The following C11orf42 variants were observed in gnomAD, a reference collection of about 807,000 sequenced individuals.
C11orf42 encodes chromosome 11 open reading frame 42, also known as uncharacterized protein C11orf42.
In C11orf42, 24 loss-of-function variants were observed where a neutral mutation model predicts 27.9. The observed-to-expected ratio is 0.86, with a 90% CI of 0.62 to 1.21. The LOEUF (loss-of-function observed/expected upper bound fraction) is 1.21, where lower values mean the gene tolerates loss of function less well. Ranked by LOEUF, C11orf42 falls within the 50% of genes most tolerant of loss-of-function variation. The pLI, the probability that C11orf42 is intolerant of heterozygous loss-of-function variation, is 0.00. For synonymous variants in C11orf42, 187 were observed against 180.8 expected (o/e 1.03, Z -0.28); for missense variants, 455 against 424.1 (o/e 1.07, Z -0.64).
chr11:6,209,105 G>A (rs887154034), intron 1 of C11orf42, among the ~76,000 whole-genome samples: 7 of 150,594 alleles, frequency 4.6e-5, no homozygotes, highest in Non-Finnish European at 8.8e-5. Context: ...GAACCCAGGA[G>A]GCAGAGGTTT....
chr11:6,205,559 G>C lies in C11orf42; in HGVS notation c.-57G>C. 5.0e-6 allele frequency: 7 copies of C among 1,399,136 alleles called. No homozygotes were observed. Among genetic ancestry groups the C allele is most frequent in the Non-Finnish European group, 7.1e-6 (7 of 992,434 alleles). The allele number at this position is 1,399,136 out of a possible 1,614,324, so 86.7% of individuals were successfully genotyped here. A position where few individuals can be genotyped will look rare whatever the true frequency, so the allele number is the denominator to read the frequency against. On this transcript the variant is annotated 5_prime_UTR_variant, in exon 1 of 3. Transcript: ENST00000316375. ...AAGACCTCAGGTCTCACCTCCCTGG[G>C]CTGCCTGGGGTTCCTGCAGCAGCCA...
intron 1 of C11orf42, among the ~76,000 whole-genome samples, chr11:6,209,421 T>C (rs1385703757): frequency 6.6e-6 from 1 of 152,172 alleles, no homozygotes; most frequent in African/African-American, 2.4e-5. Context: ...TCACCGACTC[T>C]TATGCCTGAA....
At chr11:6,205,708 A>G (rs1018117440) in intron 1 of C11orf42, 21 bp downstream of exon 1, 1 of 1,606,182 alleles carries the variant, frequency 6.2e-7, no homozygotes, top group Admixed American at 1.7e-5. Context: ...TAAGGAGGCT[A>G]AAGAGGAAGC....
rs148775522 is a variant in C11orf42, at chr11:6,210,859, G to T, written c.872-53G>T. 3.6e-4 allele frequency: 544 copies of T among 1,528,032 alleles called. No homozygotes were observed. The East Asian group carries it at 9.9e-3, about 28-fold the overall frequency. 94.7% of individuals were successfully genotyped at this position (1,528,032 alleles called of 1,614,324 possible). The stretch of plus-strand genomic sequence containing the variant: ...ACAGAGGACCAGAGGGAAAAGCTAG[G>T]GGGGGAAAAGACCAGCCATGAGTCA... On this transcript the variant is annotated intron_variant, in intron 2 of 2. Transcript: ENST00000316375. This position sits in a 1 kb window ranked among gnomAD's most constrained non-coding sequence, Gnocchi z 4.0.
Position 6,210,891 on chromosome 11 carries a change from G to T in C11orf42, c.872-21G>T. 2 of 1,588,994 alleles carry T rather than the reference G, an allele frequency of 1.3e-6. No individual in the cohort carries two copies. The highest frequency in any genetic ancestry group is 2.3e-5 in the South Asian group (2 of 88,312). On this transcript the variant is annotated intron_variant, in intron 2 of 2. Coordinates refer to ENST00000316375, the MANE Select transcript of C11orf42 (RefSeq NM_173525.3). This position sits in a 1 kb window ranked among gnomAD's most constrained non-coding sequence, Gnocchi z 4.0. ...AAAGACCAGCCATGAGTCAAGCTGT[G>T]ACTATCCCCAACCCTGGCAGAGAAC...
At chr11:6,208,022 C>T (rs772156623) in intron 1 of C11orf42, among the ~76,000 whole-genome samples, 13 of 152,128 alleles carry the variant, frequency 8.5e-5, no homozygotes, top group Non-Finnish European at 1.6e-4. Flanking sequence ...TCTGTGTGCC[C>T]TTGCTCCCTA....
chr11:6,209,739 C>G (rs1847022709), intron 1 of C11orf42, 111 bp from the exon 2 acceptor site: 4 of 1,113,768 alleles, frequency 3.6e-6, no homozygotes, highest in Non-Finnish European at 1.3e-6. Context: ...AAGCATAAAT[C>G]TGAACACATT....
intron 1 of C11orf42, among the ~76,000 whole-genome samples, chr11:6,208,226 C>G (rs554812011): frequency 6.6e-6 from 1 of 152,112 alleles, no homozygotes; most frequent in African/African-American, 2.4e-5. Context: ...CACACACACA[C>G]GATTAACTAA....
intron 1 of C11orf42, among the ~76,000 whole-genome samples, chr11:6,208,352 A>G (rs1263597911): frequency 6.6e-6 from 1 of 152,222 alleles, no homozygotes; most frequent in Non-Finnish European, 1.5e-5. Flanking sequence ...GAGATATGGT[A>G]TAAGAATGGA....
rs771535324 is a variant in C11orf42 at position 6,210,296 on chromosome 11, G to A, written c.519G>A (p.Leu173=). ...TCTTCTCTTGTTCCTGGCTGCAGCT[G>A]GGGCTGACGTCTACAGCCCGTGAGC... The part of the protein sequence containing the change: ...YQVFSCSWLQ[L]GLTSTAREPQ... The change falls in exon 2 of 3, where the codon CTG becomes CTA. Residue 173 remains leucine (L), a synonymous_variant. Coordinates refer to ENST00000316375, the MANE Select transcript of C11orf42 (RefSeq NM_173525.3). This position sits in a 1 kb window ranked among gnomAD's most constrained non-coding sequence, Gnocchi z 4.0. 5 of 1,614,198 alleles carry A rather than the reference G, an allele frequency of 3.1e-6. No individual in the cohort carries two copies. The East Asian group carries it at 8.9e-5, about 29-fold the overall frequency.
intron 1 of C11orf42, 81 bp downstream of exon 1, chr11:6,205,768 T>A (rs1590592111): frequency 1.7e-6 from 2 of 1,143,166 alleles, no homozygotes; most frequent in African/African-American, 3.1e-5. Flanking sequence ...TAGGAAGGGG[T>A]GGGAAGTCTG....
Position 6,211,101 on chromosome 11 carries a change from C to T in C11orf42, c.*59C>T, listed in dbSNP as rs893343215. 2.7e-5 allele frequency: 42 copies of T among 1,582,216 alleles called. No individual in the cohort carries two copies. The highest frequency in any genetic ancestry group is 1.7e-4 in the Middle Eastern group (1 of 5,980). ...CAAGATCTGGCATAGGGGTACTGGT[C>T]TCTAATAAACATCAGCTGCTGCTCC... On this transcript the variant is annotated 3_prime_UTR_variant, in exon 3 of 3. Coordinates refer to ENST00000316375, the MANE Select transcript of C11orf42 (RefSeq NM_173525.3).
intron 1 of C11orf42, among the ~76,000 whole-genome samples, chr11:6,206,091 G>A (rs938428721): frequency 4.6e-5 from 7 of 152,158 alleles, no homozygotes; most frequent in African/African-American, 1.7e-4. Context: ...TGGGAGGGTG[G>A]TGAGTGTATA....
At chr11:6,209,556 GCTCT>G (rs1199889305) in intron 1 of C11orf42, among the ~76,000 whole-genome samples, 19 of 152,232 alleles carry the variant, frequency 1.2e-4, no homozygotes, top group Admixed American at 9.8e-4. Context: ...TTCACACCTT[GCTCT>G]CTATTAATAT....
In C11orf42 at chr11:6,210,335, G is replaced by A. The variant is rs557326070; in HGVS notation, c.558G>A (p.Arg186=). The part of the protein sequence containing the change: ...TSTAREPQLL[R]LLRSLPVAFS... ...CAGCCCGTGAGCCCCAGCTCCTCCG[G>A]CTACTTCGGTCATTACCTGTTGCCT... Residue 186 remains arginine (R), a synonymous_variant, in exon 2 of 3, where the codon CGG becomes CGA. Coordinates refer to ENST00000316375, the MANE Select transcript of C11orf42 (RefSeq NM_173525.3). This position sits in a 1 kb window ranked among gnomAD's most constrained non-coding sequence, Gnocchi z 4.0. 14 of 1,614,164 alleles carry A rather than the reference G, an allele frequency of 8.7e-6. No individual in the cohort carries two copies. In the East Asian group the frequency reaches 2.9e-4, roughly 33 times the overall value.
Position 6,210,815 on chromosome 11 carries a change from G to A in C11orf42, c.872-97G>A. ...GGTGAGATGGAATGAGGAGGCCCTA[G>A]GAAGGGGATTGGGATGGCACAGAGG... On this transcript the variant is annotated intron_variant, in intron 2 of 2. Transcript: ENST00000316375. This position sits in a 1 kb window ranked among gnomAD's most constrained non-coding sequence, Gnocchi z 4.0. 2 of 1,444,450 alleles carry A rather than the reference G, an allele frequency of 1.4e-6. No individual in the cohort carries two copies. Among genetic ancestry groups the A allele is most frequent in the East Asian group, 5.0e-5 (2 of 40,302 alleles). 89.5% of individuals were successfully genotyped at this position (1,444,450 alleles called of 1,614,324 possible). A position where few individuals can be genotyped will look rare whatever the true frequency, so the allele number is the denominator to read the frequency against.
rs1564853804 is a variant in C11orf42 at position 6,209,878 on chromosome 11, CAGT to C, written c.104_106del (p.Val35del). ...ATCGAGGAGCACTTTGGGCCCAATGCAGTAGCAGTACCTTTCCTGTCAGATGCA... is the reference window on the plus strand; with the variant it reads ...ATCGAGGAGCACTTTGGGCCCAATGCAGCAGTACCTTTCCTGTCAGATGCA... On this transcript the variant is annotated inframe_deletion, in exon 2 of 3. Coordinates refer to ENST00000316375, the MANE Select transcript of C11orf42 (RefSeq NM_173525.3). The C allele has an allele frequency of 6.3e-7, 1 of 1,593,958 alleles. No individual in the cohort carries two copies. The highest frequency in any genetic ancestry group is 1.1e-5 in the South Asian group (1 of 90,462).
rs368262575 is a variant in C11orf42 at position 6,205,570 on chromosome 11, T to A, written c.-46T>A. Reference sequence around the variant, plus strand: ...TCTCACCTCCCTGGGCTGCCTGGGGTTCCTGCAGCAGCCACTGCCCTGCCC... The same window carrying A: ...TCTCACCTCCCTGGGCTGCCTGGGGATCCTGCAGCAGCCACTGCCCTGCCC... On this transcript the variant is annotated 5_prime_UTR_variant, in exon 1 of 3. Transcript: ENST00000316375. 4 of 1,500,098 alleles carry A rather than the reference T, an allele frequency of 2.7e-6. No homozygotes were observed. In the East Asian group the frequency reaches 9.1e-5, roughly 34 times the overall value. 92.9% of individuals were successfully genotyped at this position (1,500,098 alleles called of 1,614,324 possible). A position where few individuals can be genotyped will look rare whatever the true frequency, so the allele number is the denominator to read the frequency against.
At chr11:6,209,787 T>A (rs932705853) in intron 1 of C11orf42, 63 bp from the exon 2 acceptor site, 12 of 1,489,084 alleles carry the variant, frequency 8.1e-6, no homozygotes, top group Non-Finnish European at 9.9e-6. Context: ...GGGGTCAATT[T>A]AAAGTAGGCA....
Sources: gnomAD v4.1 joint callset for allele counts (sites outside exome capture counted in the v4.1 genomes callset) on GRCh38, gnomAD v4.1.1 for gene constraint, Gnocchi (gnomAD v3.1) non-coding constraint, MANE v1.5 for transcripts, NCBI Gene and HGNC (gene_info 2026-07-23, HGNC 2026-07-21) for gene names.